CEP128: variants seen among roughly 807,000 people sequenced by gnomAD.
The protein encoded by CEP128 is centrosomal protein 128, also known as centrosomal protein 128kDa.
Under a neutral mutation model 156.7 loss-of-function variants are expected in CEP128, and 132 were observed. That is an observed-to-expected ratio of 0.84 (90% CI 0.73 to 0.97). The LOEUF is 0.97. CEP128 is among the 50% of genes least tolerant of loss of function. The pLI is 0.00. For missense variants in CEP128, 1,252 were observed against 1,281.9 expected (o/e 0.98, Z 0.36); for synonymous variants, 469 against 448.9 (o/e 1.04, Z -0.57).
At chr14:80,753,627 T>C (rs1190566543) in intron 18 of CEP128, among the ~76,000 whole-genome samples, 1 of 152,196 alleles carries the variant, frequency 6.6e-6, no homozygotes. Context: ...CTTTGGTACT[T>C]CTCACTTCTT....
chr14:80,862,735 C>T, intron 9 of CEP128, 22 bp downstream of exon 9: 2 of 1,441,556 alleles, frequency 1.4e-6, no homozygotes, highest in Non-Finnish European at 2.0e-6. Context: ...ATTTACATTC[C>T]ATGAAAGTGT....
chr14:80,825,661 T>C (rs1885432909), intron 13 of CEP128, among the ~76,000 whole-genome samples: 2 of 152,228 alleles, frequency 1.3e-5, no homozygotes, highest in African/African-American at 2.4e-5. Context: ...AGTCCACTTC[T>C]GCTTTCTGCA....
At chr14:80,793,571 G>C (rs567278607) in intron 13 of CEP128, among the ~76,000 whole-genome samples, 1 of 152,222 alleles carries the variant, frequency 6.6e-6, no homozygotes, top group East Asian at 1.9e-4. Flanking sequence ...AGTAACAATA[G>C]AGTGACAGAA....
chr14:80,500,882 G>T (rs1179191655), intron 24 of CEP128, among the ~76,000 whole-genome samples: 1 of 152,046 alleles, frequency 6.6e-6, no homozygotes, highest in Non-Finnish European at 1.5e-5. Context: ...ACATAGTAAG[G>T]ATACTATGAC....
chr14:80,826,620 CCT>C (rs1185473158), intron 13 of CEP128, among the ~76,000 whole-genome samples: 9 of 151,980 alleles, frequency 5.9e-5, no homozygotes, highest in Admixed American at 1.3e-4. Flanking sequence ...TATTGATTAT[CCT>C]TTCTTTTTTA....
chr14:80,669,507 G>T (rs534418206), intron 19 of CEP128, among the ~76,000 whole-genome samples: 1 of 152,166 alleles, frequency 6.6e-6, no homozygotes, highest in Admixed American at 6.5e-5. Context: ...GGGGGCAATG[G>T]ACATGAATAC....
At chr14:80,565,887 CTT>C (rs1161636233) in intron 20 of CEP128, among the ~76,000 whole-genome samples, 1 of 152,144 alleles carries the variant, frequency 6.6e-6, no homozygotes, top group Admixed American at 6.5e-5. Flanking sequence ...AGTCTAGTGA[CTT>C]TATTTTATCA....
chr14:80,755,389 AC>A (rs1373490246), intron 18 of CEP128, among the ~76,000 whole-genome samples: 1 of 152,106 alleles, frequency 6.6e-6, no homozygotes, highest in Admixed American at 6.5e-5. Context: ...GACCATCTCA[AC>A]CCTCTTCCTT....
chr14:80,552,814 A>G (rs1890264298), intron 21 of CEP128, among the ~76,000 whole-genome samples: 1 of 152,134 alleles, frequency 6.6e-6, no homozygotes, highest in East Asian at 1.9e-4. Context: ...GTAGTCAGTT[A>G]TATCTGCTAC....
intron 2 of CEP128, among the ~76,000 whole-genome samples, chr14:80,932,368 T>A (rs1248293014): frequency 6.6e-6 from 1 of 152,248 alleles, no homozygotes; most frequent in Non-Finnish European, 1.5e-5. Context: ...ACTTTGTCCA[T>A]GCTAGAAGAG....
chr14:80,743,758 T>C (rs1018125953), intron 18 of CEP128, among the ~76,000 whole-genome samples: 24 of 152,156 alleles, frequency 1.6e-4, no homozygotes, highest in African/African-American at 5.8e-4. Flanking sequence ...GACTAGAAGA[T>C]ATAGAGTTAA....
chr14:80,829,296 T>C (rs956848572), intron 13 of CEP128, among the ~76,000 whole-genome samples: 1 of 152,226 alleles, frequency 6.6e-6, no homozygotes, highest in Non-Finnish European at 1.5e-5. Context: ...GGGATAAACA[T>C]TGTCTTTGTG....
intron 19 of CEP128, among the ~76,000 whole-genome samples, chr14:80,606,552 T>C (rs1425007425): frequency 6.6e-6 from 1 of 152,104 alleles, no homozygotes; most frequent in Non-Finnish European, 1.5e-5. Flanking sequence ...CATATAATCA[T>C]AACTGACAGG....
chr14:80,706,695 G>A (rs1814784070), intron 19 of CEP128, among the ~76,000 whole-genome samples: 1 of 152,032 alleles, frequency 6.6e-6, no homozygotes, highest in Admixed American at 6.6e-5. Context: ...ACCAAAGTTG[G>A]AGCTTTCAAT....
intron 19 of CEP128, among the ~76,000 whole-genome samples, chr14:80,666,569 A>C (rs1331644725): frequency 6.6e-6 from 1 of 152,204 alleles, no homozygotes; most frequent in Non-Finnish European, 1.5e-5. Context: ...TCAACTTGGG[A>C]CAAAAACACC....
intron 2 of CEP128, among the ~76,000 whole-genome samples, chr14:80,923,267 T>C (rs1169233818): frequency 6.6e-6 from 1 of 152,154 alleles, no homozygotes; most frequent in Non-Finnish European, 1.5e-5. Context: ...GATCTATCCA[T>C]CTGAAACAAA....
intron 20 of CEP128, among the ~76,000 whole-genome samples, chr14:80,560,886 A>AC (rs1890643126): frequency 6.6e-6 from 1 of 152,030 alleles, no homozygotes; most frequent in Non-Finnish European, 1.5e-5. Flanking sequence ...CTGAATAACT[A>AC]CCCTTTATAT....
chr14:80,884,357 G>A (rs1888694045), intron 8 of CEP128, among the ~76,000 whole-genome samples: 1 of 152,222 alleles, frequency 6.6e-6, no homozygotes, highest in Non-Finnish European at 1.5e-5. Flanking sequence ...CCATTATACA[G>A]AGAGCTGTCA....
chr14:80,648,036 T>A (rs561277458), intron 19 of CEP128, among the ~76,000 whole-genome samples: 2 of 152,268 alleles, frequency 1.3e-5, no homozygotes, highest in African/African-American at 4.8e-5. Context: ...AAGCACATTG[T>A]CATAACCAGT....
Sources: allele counts gnomAD v4.1 joint callset (sites outside exome capture counted in the v4.1 genomes callset), GRCh38; gene constraint gnomAD v4.1.1; transcripts MANE v1.5; gene names NCBI Gene and HGNC (gene_info 2026-07-23, HGNC 2026-07-21).